PDCL2: variants seen among roughly 807,000 people sequenced by gnomAD.
The protein encoded by PDCL2 is phosducin-like protein 2.
Under a neutral mutation model 30.3 loss-of-function variants are expected in PDCL2, and 23 were observed. That is an observed-to-expected ratio of 0.76 (90% confidence interval 0.55 to 1.08). The LOEUF (loss-of-function observed/expected upper bound fraction) is 1.08, where lower values mean the gene tolerates loss of function less well. PDCL2 is among the 50% of genes least tolerant of loss of function. PDCL2 has a pLI of 0.00. For synonymous variants in PDCL2, 68 were observed against 86.2 expected (o/e 0.79, Z 1.17); for missense variants, 243 against 282.3 (o/e 0.86, Z 1.00).
chr4:55,564,252 T>G (rs190693057), intron 4 of PDCL2, among the ~76,000 whole-genome samples: 2 of 152,168 alleles, frequency 1.3e-5, no homozygotes. Context: ...GTAGTGTGAA[T>G]GGCAGAAGTC....
chr4:55,579,383 G>A (rs1035053503), intron 3 of PDCL2, among the ~76,000 whole-genome samples: 5 of 152,178 alleles, frequency 3.3e-5, no homozygotes, highest in African/African-American at 4.8e-5. Flanking sequence ...AGGCTGGAGT[G>A]CAATGGCACG....
At chr4:55,564,930 C>G (rs1732224324) in intron 4 of PDCL2, among the ~76,000 whole-genome samples, 1 of 152,226 alleles carries the variant, frequency 6.6e-6, no homozygotes, top group African/African-American at 2.4e-5. Flanking sequence ...TGCCCCGAAT[C>G]ATTCCTGGAC....
At chr4:55,591,403 G>GTTTGTTTGTTTT (rs367768218) in intron 1 of PDCL2, among the ~76,000 whole-genome samples, 11 of 152,092 alleles carry the variant, frequency 7.2e-5, no homozygotes, top group South Asian at 2.1e-4. Flanking sequence ...TTGTTTGTTT[G>GTTTGTTTGTTTT]TTCTGAGGCG....
intron 5 of PDCL2, among the ~76,000 whole-genome samples, chr4:55,559,349 C>T (rs1426541399): frequency 6.6e-6 from 1 of 152,026 alleles, no homozygotes; most frequent in Non-Finnish European, 1.5e-5. Context: ...ACTCACATTT[C>T]ACACAGTAGG....
intron 3 of PDCL2, among the ~76,000 whole-genome samples, chr4:55,574,924 T>C (rs1732524369): frequency 6.6e-6 from 1 of 152,224 alleles, no homozygotes; most frequent in Admixed American, 6.5e-5. Context: ...GGTATATACC[T>C]AGAAGTGGAA....
intron 3 of PDCL2, among the ~76,000 whole-genome samples, chr4:55,576,300 C>T (rs1448842036): frequency 1.3e-5 from 2 of 152,088 alleles, no homozygotes; most frequent in African/African-American, 2.4e-5. Flanking sequence ...ACCATGTTGG[C>T]CAGGCTGGTC....
chr4:55,585,335 C>T (rs1000369079), intron 1 of PDCL2, among the ~76,000 whole-genome samples: 3 of 152,160 alleles, frequency 2.0e-5, no homozygotes, highest in African/African-American at 4.8e-5. Context: ...CGAGACCAGC[C>T]TGGCCAACAT....
intron 4 of PDCL2, among the ~76,000 whole-genome samples, chr4:55,563,858 G>C (rs1012292369): frequency 5.9e-5 from 9 of 152,206 alleles, no homozygotes; most frequent in Non-Finnish European, 1.5e-5. Flanking sequence ...AAACCTTACA[G>C]GTAGCAGCCC....
chr4:55,583,429 T>C (rs1176387752), intron 1 of PDCL2, among the ~76,000 whole-genome samples: 1 of 152,192 alleles, frequency 6.6e-6, no homozygotes, highest in Non-Finnish European at 1.5e-5. Flanking sequence ...GATGTAATCT[T>C]GTCTATTTTT....
chr4:55,560,449 A>G (rs973181837), intron 5 of PDCL2, among the ~76,000 whole-genome samples: 4 of 152,252 alleles, frequency 2.6e-5, no homozygotes, highest in Admixed American at 1.3e-4. Flanking sequence ...TCTCTACTAT[A>G]AAATTTTTCT....
At chr4:55,560,385 G>T (rs1317237859) in intron 5 of PDCL2, among the ~76,000 whole-genome samples, 4 of 152,150 alleles carry the variant, frequency 2.6e-5, no homozygotes, top group African/African-American at 9.7e-5. Flanking sequence ...AATGCGGGAG[G>T]ATCACTTAAG....
intron 5 of PDCL2, among the ~76,000 whole-genome samples, chr4:55,560,232 GC>G (rs1560498337): frequency 2.0e-5 from 3 of 150,850 alleles, no homozygotes; most frequent in Non-Finnish European, 2.9e-5. Context: ...GATAGTTTTT[GC>G]CCCTAAGGAA....
intron 4 of PDCL2, among the ~76,000 whole-genome samples, chr4:55,569,298 T>G (rs909947712): frequency 2.0e-5 from 3 of 152,206 alleles, no homozygotes; most frequent in Non-Finnish European, 2.9e-5. Flanking sequence ...ATGTTCAGTT[T>G]ACTTTCAGTT....
intron 5 of PDCL2, among the ~76,000 whole-genome samples, chr4:55,561,811 G>A (rs2110152712): frequency 6.6e-6 from 1 of 152,212 alleles, no homozygotes; most frequent in East Asian, 1.9e-4. Context: ...CACCTTTTAG[G>A]AAGATAAAAT....
In PDCL2 at chr4:55,569,699, G is replaced by A; in HGVS notation, c.362+19C>T. ...TAAAATAGTAGTATATTAACATTTT[G>A]AAATATTATGGTAATTACCTTGATC... is the stretch of plus-strand genomic sequence containing the variant. On this transcript the variant is annotated intron_variant, in intron 4 of 5. Coordinates refer to ENST00000295645, the MANE Select transcript of PDCL2 (RefSeq NM_152401.3). 2 of 1,474,528 alleles carry A rather than the reference G, an allele frequency of 1.4e-6. No individual in the cohort carries two copies. Among genetic ancestry groups the A allele is most frequent in the Non-Finnish European group, 1.8e-6 (2 of 1,108,406 alleles). 91.3% of individuals were successfully genotyped at this position (1,474,528 alleles called of 1,614,324 possible).
At chr4:55,574,013 C>G (rs1268987311) in intron 3 of PDCL2, among the ~76,000 whole-genome samples, 1 of 151,710 alleles carries the variant, frequency 6.6e-6, no homozygotes, top group Non-Finnish European at 1.5e-5. Context: ...CCTGCCTCAG[C>G]CTCCCATTTA....
At chr4:55,572,154 G>T (rs9992424) in intron 3 of PDCL2, among the ~76,000 whole-genome samples, 1,775 of 152,234 alleles carry the variant, frequency 0.012, 33 homozygotes, top group African/African-American at 0.041. Flanking sequence ...TTTGCCATTA[G>T]AAGTTCAAAC....
chr4:55,571,351 T>C (rs1419359894), intron 3 of PDCL2, among the ~76,000 whole-genome samples: 12 of 151,586 alleles, frequency 7.9e-5, no homozygotes, highest in African/African-American at 2.9e-4. Context: ...ATAGCAACCA[T>C]ATCCTGACAC....
At chr4:55,565,985 T>TG (rs1402158726) in intron 4 of PDCL2, among the ~76,000 whole-genome samples, 1 of 134,398 alleles carries the variant, frequency 7.4e-6, no homozygotes, top group African/African-American at 3.0e-5. Flanking sequence ...TTTTTTTTTT[T>TG]TTTTTTTTTT....
Sources: gnomAD v4.1 joint callset for allele counts (sites outside exome capture counted in the v4.1 genomes callset) on GRCh38, gnomAD v4.1.1 for gene constraint, MANE v1.5 for transcripts, NCBI Gene and HGNC (gene_info 2026-07-23, HGNC 2026-07-21) for gene names.